LAMA2: variants seen among roughly 807,000 people sequenced by gnomAD.
LAMA2 encodes laminin subunit alpha-2.
Under a neutral mutation model 364.8 loss-of-function variants are expected in LAMA2, and 269 were observed. The ratio of observed to expected loss-of-function variants is 0.74; its 90% CI spans 0.67 to 0.82. The LOEUF (loss-of-function observed/expected upper bound fraction) is 0.82. LAMA2 is among the 40% of genes least tolerant of loss of function. The pLI is 0.00. For synonymous variants in LAMA2, 1,379 were observed against 1,370.6 expected (o/e 1.01, Z -0.14); for missense variants, 3,807 against 3,873.2 (o/e 0.98, Z 0.45).
At chr6:129,352,830 A>G (rs1306695028) in intron 31 of LAMA2, among the ~76,000 whole-genome samples, 2 of 152,228 alleles carry the variant, frequency 1.3e-5, no homozygotes, top group East Asian at 3.9e-4. Context: ...AATGAAGGAT[A>G]ATTTCAAACC....
At chr6:129,300,590 A>G (rs1283993958) in intron 21 of LAMA2, 146 bp from the exon 22 acceptor site, 2 of 770,338 alleles carry the variant, frequency 2.6e-6, no homozygotes. Flanking sequence ...ATAAAAGATG[A>G]ATGAAGTAAG....
chr6:128,930,235 T>C (rs1042688617), intron 1 of LAMA2, among the ~76,000 whole-genome samples: 5 of 152,226 alleles, frequency 3.3e-5, no homozygotes, highest in African/African-American at 1.2e-4. Context: ...CTAAAGTATT[T>C]CTTATATTTT....
chr6:129,105,065 G>C (rs1167627326), intron 4 of LAMA2, among the ~76,000 whole-genome samples: 1 of 152,150 alleles, frequency 6.6e-6, no homozygotes, highest in African/African-American at 2.4e-5. Flanking sequence ...TTTTATTTTA[G>C]AAGGGCAATT....
At chr6:128,913,900 C>A (rs1171681740) in intron 1 of LAMA2, among the ~76,000 whole-genome samples, 1 of 152,058 alleles carries the variant, frequency 6.6e-6, no homozygotes, top group Non-Finnish European at 1.5e-5. Flanking sequence ...GTCTTAGTTA[C>A]CTTTTGAGGG....
At chr6:129,246,844 C>T (rs376899544) in intron 12 of LAMA2, among the ~76,000 whole-genome samples, 1 of 152,096 alleles carries the variant, frequency 6.6e-6, no homozygotes, top group South Asian at 2.1e-4. Context: ...GCAGAGAATT[C>T]TTTATCTAAA....
intron 1 of LAMA2, among the ~76,000 whole-genome samples, chr6:129,047,987 A>G (rs372766755): frequency 7.2e-5 from 11 of 152,286 alleles, no homozygotes; most frequent in African/African-American, 2.4e-4. Context: ...TTTGGTTCAA[A>G]TCATAGCTCT....
At chr6:129,322,360 C>T (rs1434466712) in intron 28 of LAMA2, among the ~76,000 whole-genome samples, 1 of 152,160 alleles carries the variant, frequency 6.6e-6, no homozygotes, top group Non-Finnish European at 1.5e-5. Context: ...AAAACTGAGA[C>T]TGTGTGGCAC....
chr6:129,500,022 TG>T (rs1314822780), intron 58 of LAMA2, among the ~76,000 whole-genome samples: 3 of 152,102 alleles, frequency 2.0e-5, no homozygotes, highest in African/African-American at 7.2e-5. Context: ...TTCCAAATGC[TG>T]GGATTAAAAA....
chr6:129,382,123 A>C (rs183228632), intron 34 of LAMA2, among the ~76,000 whole-genome samples: 1 of 152,332 alleles, frequency 6.6e-6, no homozygotes, highest in Non-Finnish European at 1.5e-5. Flanking sequence ...TAGAGTGTTA[A>C]TATGCTGCCA....
At chr6:128,949,132 A>G (rs577813143) in intron 1 of LAMA2, among the ~76,000 whole-genome samples, 3 of 152,328 alleles carry the variant, frequency 2.0e-5, no homozygotes, top group African/African-American at 2.4e-5. Flanking sequence ...TCTAATTTTA[A>G]TATCATTAGA....
At chr6:129,349,897 T>C (rs1290382358) in intron 31 of LAMA2, among the ~76,000 whole-genome samples, 1 of 152,162 alleles carries the variant, frequency 6.6e-6, no homozygotes, top group Middle Eastern at 3.2e-3. Context: ...GTATTTGTTA[T>C]TCAGTTTTCC....
intron 1 of LAMA2, among the ~76,000 whole-genome samples, chr6:128,975,489 A>G (rs778964296): frequency 5.3e-5 from 8 of 152,176 alleles, no homozygotes; most frequent in Non-Finnish European, 1.0e-4. Flanking sequence ...TGCTTGGAAT[A>G]TAAAGTGTGG....
chr6:129,053,611 G>A (rs551644156), intron 2 of LAMA2, among the ~76,000 whole-genome samples: 95 of 152,230 alleles, frequency 6.2e-4, no homozygotes, highest in Non-Finnish European at 1.2e-3. Flanking sequence ...ATGAAGGAAA[G>A]AATTTTTAGG....
At chr6:129,079,242 T>C (rs1281462475) in intron 3 of LAMA2, among the ~76,000 whole-genome samples, 2 of 152,062 alleles carry the variant, frequency 1.3e-5, no homozygotes, top group African/African-American at 4.8e-5. Flanking sequence ...TCACATAACT[T>C]TTATTATATT....
intron 12 of LAMA2, among the ~76,000 whole-genome samples, chr6:129,202,124 G>A (rs1252432849): frequency 7.3e-6 from 1 of 137,756 alleles, no homozygotes; most frequent in Non-Finnish European, 1.5e-5. Context: ...GGAGGCGATG[G>A]TTTCAGTGAG....
chr6:129,029,654 G>T (rs1315789236), intron 1 of LAMA2, among the ~76,000 whole-genome samples: 1 of 151,870 alleles, frequency 6.6e-6, no homozygotes, highest in African/African-American at 2.4e-5. Context: ...CTTAATGGCT[G>T]TTCATAACTG....
chr6:129,457,966 A>G (rs575288865), intron 48 of LAMA2, among the ~76,000 whole-genome samples: 1 of 152,092 alleles, frequency 6.6e-6, no homozygotes, highest in Non-Finnish European at 1.5e-5. Context: ...TCACCTCTCA[A>G]ATGCCCTGCC....
rs373911402 is a variant in LAMA2, at chr6:129,460,443, TCA to T, written c.6992+120_6992+121del. The T allele has an allele frequency of 3.3e-4, 354 of 1,060,974 alleles. 2 individuals carry two copies. In the East Asian group the frequency reaches 7.4e-3, roughly 22 times the overall value. The allele number at this position is 1,060,974 out of a possible 1,614,324, so 65.7% of individuals were successfully genotyped here. Reference sequence around the variant, plus strand: ...TGGAGCAGGTTTGAAAGGATTATACTCAGAGGTGGAATTACCACAAAACTAAT... The same window carrying T: ...TGGAGCAGGTTTGAAAGGATTATACTGAGGTGGAATTACCACAAAACTAAT... On this transcript the variant is annotated intron_variant, in intron 49 of 64. Transcript: ENST00000421865.
intron 64 of LAMA2, among the ~76,000 whole-genome samples, chr6:129,515,211 A>G (rs375557974): frequency 1.3e-5 from 2 of 152,304 alleles, no homozygotes; most frequent in African/African-American, 4.8e-5. Flanking sequence ...TACTGTAATA[A>G]CATAGCCTCC....
Sources: allele counts gnomAD v4.1 joint callset (sites outside exome capture counted in the v4.1 genomes callset), GRCh38; gene constraint gnomAD v4.1.1; transcripts MANE v1.5; gene names NCBI Gene and HGNC (gene_info 2026-07-23, HGNC 2026-07-21).